UTRN: variants seen among roughly 807,000 people sequenced by gnomAD.
UTRN encodes utrophin.
UTRN carries 283 observed loss-of-function variants against 463.9 expected under a neutral mutation model. The ratio of observed to expected loss-of-function variants is 0.61; its 90% CI spans 0.55 to 0.67. UTRN has a LOEUF of 0.67. Among genes scored for constraint, UTRN ranks in the 30% least tolerant of loss-of-function variants. UTRN has a pLI of 0.00. For synonymous variants in UTRN, 1,442 were observed against 1,431.5 expected, an observed-to-expected ratio of 1.01 and a Z score of -0.17; for missense variants, 3,922 against 4,084.3, an observed-to-expected ratio of 0.96 and a Z score of 1.08.
At chr6:144,789,136 G>A (rs763671314) in intron 61 of UTRN, 58 bp from the exon 62 acceptor site, 3 of 1,328,094 alleles carry the variant, frequency 2.3e-6, no homozygotes, top group Non-Finnish European at 2.1e-6. Flanking sequence ...CAGAAACAAT[G>A]AACATGCTGT....
chr6:144,766,815 G>A (rs1034821928), intron 58 of UTRN, among the ~76,000 whole-genome samples: 3 of 150,598 alleles, frequency 2.0e-5, no homozygotes, highest in African/African-American at 7.5e-5. Context: ...TTTAAGGATG[G>A]CACGTCTGTA....
chr6:144,828,766 A>G (rs779469514), intron 68 of UTRN, 24 bp from the exon 69 acceptor site: 1 of 1,612,056 alleles, frequency 6.2e-7, no homozygotes, highest in Non-Finnish European at 8.5e-7. Flanking sequence ...CATGTTGTCT[A>G]ACCTCCTTAT....
intron 2 of UTRN, among the ~76,000 whole-genome samples, chr6:144,337,579 AG>A (rs1776832567): frequency 6.6e-6 from 1 of 152,122 alleles, no homozygotes; most frequent in African/African-American, 2.4e-5. Context: ...TCTATGTCTG[AG>A]GTCTGGCTCC....
At chr6:144,491,616 A>C (rs2128579468) in intron 32 of UTRN, among the ~76,000 whole-genome samples, 1 of 152,332 alleles carries the variant, frequency 6.6e-6, no homozygotes, top group South Asian at 2.1e-4. Context: ...ATTTAAAAAT[A>C]ATGTGGCTAA....
chr6:144,493,716 T>G (rs1793291321), intron 33 of UTRN, among the ~76,000 whole-genome samples: 2 of 152,192 alleles, frequency 1.3e-5, no homozygotes, highest in Admixed American at 1.3e-4. Context: ...ACGCCTGTAA[T>G]CCCAGGTCTT....
At chr6:144,514,894 A>C (rs1453091528) in intron 37 of UTRN, 74 bp downstream of exon 37, 9 of 1,405,362 alleles carry the variant, frequency 6.4e-6, no homozygotes, top group Middle Eastern at 3.8e-4. Flanking sequence ...TACAGTACAT[A>C]CATCAACAAT....
intron 3 of UTRN, among the ~76,000 whole-genome samples, chr6:144,408,106 A>G (rs912337328): frequency 6.6e-6 from 1 of 152,234 alleles, no homozygotes; most frequent in Non-Finnish European, 1.5e-5. Flanking sequence ...AGAAGTGTAT[A>G]GGAGATGATA....
At chr6:144,716,693 AC>A (rs1266761749) in intron 53 of UTRN, among the ~76,000 whole-genome samples, 1 of 152,052 alleles carries the variant, frequency 6.6e-6, no homozygotes, top group Non-Finnish European at 1.5e-5. Flanking sequence ...CACCATAACA[AC>A]CCTTTTCATT....
In UTRN at chr6:144,514,840, G is replaced by A. The variant is rs1795475074; in HGVS notation, c.5244+20G>A. The stretch of plus-strand genomic sequence containing the variant: ...GCCAAAGTGAGTAATTATGCTTTTA[G>A]AGTAAACCATTTTTCCTATGGGTAT... On this transcript the variant is annotated intron_variant, in intron 37 of 74. Coordinates refer to ENST00000367545, the MANE Select transcript of UTRN (RefSeq NM_007124.3). 2 of 1,605,192 alleles carry A rather than the reference G, an allele frequency of 1.2e-6. No homozygotes were observed. Among genetic ancestry groups the A allele is most frequent in the African/African-American group, 1.3e-5 (1 of 74,376 alleles).
intron 33 of UTRN, among the ~76,000 whole-genome samples, chr6:144,498,316 A>T (rs980323890): frequency 1.3e-5 from 2 of 152,234 alleles, no homozygotes; most frequent in Non-Finnish European, 2.9e-5. Context: ...ATTTTATTGC[A>T]TACGTGTGTA....
At chr6:144,807,235 A>C (rs1000883382) in intron 65 of UTRN, among the ~76,000 whole-genome samples, 11 of 152,056 alleles carry the variant, frequency 7.2e-5, no homozygotes, top group African/African-American at 2.4e-4. Flanking sequence ...AGCTTTCTGC[A>C]ATTTAGAAAC....
intron 2 of UTRN, among the ~76,000 whole-genome samples, chr6:144,306,114 T>G (rs1224554889): frequency 6.6e-6 from 1 of 152,148 alleles, no homozygotes; most frequent in Non-Finnish European, 1.5e-5. Flanking sequence ...TTACATACTT[T>G]CTGTTTTATT....
Position 144,678,593 on chromosome 6 carries a change from T to C in UTRN, c.7652+15T>C. On this transcript the variant is annotated intron_variant, in intron 52 of 74. Coordinates refer to ENST00000367545, the MANE Select transcript of UTRN (RefSeq NM_007124.3). ...GCTAGCATCAGGTCAGAATAGTCAATATCAAAATAAAAATAATGGGGTGGA... is the reference window on the plus strand; with the variant it reads ...GCTAGCATCAGGTCAGAATAGTCAACATCAAAATAAAAATAATGGGGTGGA... 1.3e-6 allele frequency: 2 copies of C among 1,574,454 alleles called. No homozygotes were observed. Among genetic ancestry groups the C allele is most frequent in the Non-Finnish European group, 1.7e-6 (2 of 1,154,606 alleles).
chr6:144,736,287 A>G (rs1207929016), intron 54 of UTRN, among the ~76,000 whole-genome samples: 1 of 152,244 alleles, frequency 6.6e-6, no homozygotes, highest in East Asian at 1.9e-4. Context: ...AGGTTAGATC[A>G]GGAAGAAATC....
intron 13 of UTRN, 52 bp from the exon 14 acceptor site, chr6:144,444,229 A>G: frequency 7.2e-7 from 1 of 1,392,860 alleles, no homozygotes; most frequent in South Asian, 1.3e-5. Context: ...AAGGATTGTG[A>G]TAACTCTCTC....
Position 144,523,176 on chromosome 6 carries a change from G to A in UTRN, c.5894G>A (p.Ser1965Asn). 6.3e-7 allele frequency: 1 copy of A among 1,599,040 alleles called. No homozygotes were observed. Among genetic ancestry groups the A allele is most frequent in the Middle Eastern group, 1.7e-4 (1 of 6,004 alleles). ...AKWDRINRMY[S>N]DRKGCFDRAM... ...TGGGACAGAATTAATAGAATGTACA[G>A]TGATCGGAAAGGGTATGTGTAAATG... is the stretch of plus-strand genomic sequence containing the variant. The change falls in exon 41 of 75, where the codon AGT (serine) becomes AAT (asparagine). Residue 1965 changes from serine (S) to asparagine (N), a missense_variant. Physicochemically the swap from Ser to Asn is conservative, Grantham distance 46. This residue lies in a region of UTRN where 2,349 missense variants were observed against 2,303.8 expected (regional missense o/e 1.02). Coordinates refer to ENST00000367545, the MANE Select transcript of UTRN (RefSeq NM_007124.3).
chr6:144,804,951 C>T (rs56104121), intron 65 of UTRN, among the ~76,000 whole-genome samples: 15,254 of 152,086 alleles, frequency 0.1, 1,014 homozygotes, highest in South Asian at 0.18. Context: ...TTCAGGCAGA[C>T]GCTTTAAGGG....
At chr6:144,479,301 T>C (rs1368867653) in intron 25 of UTRN, among the ~76,000 whole-genome samples, 1 of 152,038 alleles carries the variant, frequency 6.6e-6, no homozygotes, top group African/African-American at 2.4e-5. Flanking sequence ...GTATTTTTAG[T>C]AGAGATGGGG....
At chr6:144,527,937 T>A (rs775390300) in intron 41 of UTRN, among the ~76,000 whole-genome samples, 4 of 152,192 alleles carry the variant, frequency 2.6e-5, no homozygotes, top group African/African-American at 7.2e-5. Context: ...CACTGGTGTG[T>A]CCTTGATTGG....
Sources: gnomAD v4.1 joint callset for allele counts (sites outside exome capture counted in the v4.1 genomes callset) on GRCh38, gnomAD v4.1.1 for gene constraint, gnomAD v4.1.1 regional missense constraint, MANE v1.5 for transcripts, NCBI Gene and HGNC (gene_info 2026-07-23, HGNC 2026-07-21) for gene names.